IL1RAP: variants seen among roughly 807,000 people sequenced by gnomAD.
IL1RAP encodes the protein interleukin 1 receptor accessory protein.
A neutral mutation model predicts 60.7 loss-of-function variants in IL1RAP; 35 were observed. That is an observed-to-expected ratio of 0.58 (90% CI 0.44 to 0.76). The LOEUF is 0.76. IL1RAP is among the 30% of genes least tolerant of loss of function. The pLI is 0.00. For missense variants in IL1RAP, 572 were observed against 693.9 expected (o/e 0.82, Z 1.97); for synonymous variants, 268 against 250.9 (o/e 1.07, Z -0.64).
rs1426218668 is a variant in IL1RAP at position 190,573,036 on chromosome 3, T to C, written c.64+8683T>C. Among the ~76,000 whole-genome samples, 2 of 84,222 alleles carry C rather than the reference T, an allele frequency of 2.4e-5. 1 individual carries two copies. Among genetic ancestry groups the C allele is most frequent in the African/African-American group, 8.0e-5 (2 of 25,104 alleles). 55.3% of individuals were successfully genotyped at this position (84,222 alleles called of 152,430 possible). ...CCGCCACCACGCCCGGCTAATTTTT[T>C]GTATTTTTAGTAGAGACGGGGTTTC... is the stretch of plus-strand genomic sequence containing the variant. On this transcript the variant is annotated intron_variant, in intron 3 of 11. Coordinates refer to ENST00000447382, the MANE Select transcript of IL1RAP (RefSeq NM_002182.4).
chr3:190,642,697 T>C (rs190464932), intron 9 of IL1RAP, among the ~76,000 whole-genome samples: 179 of 152,300 alleles, frequency 1.2e-3, no homozygotes, highest in African/African-American at 4.1e-3. Context: ...CTAATCACTA[T>C]TTAAAATTAA....
intron 2 of IL1RAP, among the ~76,000 whole-genome samples, chr3:190,556,471 C>T (rs747268765): frequency 3.3e-5 from 5 of 152,020 alleles, no homozygotes; most frequent in Non-Finnish European, 7.4e-5. Context: ...ATCAGATAGT[C>T]AGCACAGGGA....
intron 3 of IL1RAP, among the ~76,000 whole-genome samples, chr3:190,603,023 A>G (rs932230963): frequency 1.3e-5 from 2 of 152,168 alleles, no homozygotes; most frequent in African/African-American, 4.8e-5. Context: ...AAAATTCTTT[A>G]AAAGAAGTTT....
downstream of IL1RAP, among the ~76,000 whole-genome samples, chr3:190,655,499 T>C (rs1011074408): frequency 6.6e-6 from 1 of 151,678 alleles, no homozygotes; most frequent in African/African-American, 2.4e-5. Flanking sequence ...TAAACAGAGC[T>C]GAAATGACTT....
intron 9 of IL1RAP, among the ~76,000 whole-genome samples, chr3:190,637,131 C>T (rs1733286936): frequency 6.6e-6 from 1 of 152,004 alleles, no homozygotes; most frequent in African/African-American, 2.4e-5. Context: ...TACAGTGTAC[C>T]AACATGTATT....
At chr3:190,634,728 T>G (rs1169421612) in intron 9 of IL1RAP, among the ~76,000 whole-genome samples, 12 of 148,076 alleles carry the variant, frequency 8.1e-5, no homozygotes, top group Admixed American at 2.0e-4. Flanking sequence ...TGTTGTTGTT[T>G]TTTTTGAGAA....
chr3:190,528,389 A>T (rs1053731769), intron 1 of IL1RAP, among the ~76,000 whole-genome samples: 1 of 152,236 alleles, frequency 6.6e-6, no homozygotes, highest in Admixed American at 6.5e-5. Context: ...CATAGCTTTG[A>T]ATGTGGACTA....
At chr3:190,655,676 C>T (rs1475712274), downstream of IL1RAP, among the ~76,000 whole-genome samples, 3 of 151,174 alleles carry the variant, frequency 2.0e-5, no homozygotes. Context: ...AGAGACTGAG[C>T]TCAACTACCA....
At chr3:190,572,057 G>A (rs1726974594) in intron 3 of IL1RAP, among the ~76,000 whole-genome samples, 1 of 151,848 alleles carries the variant, frequency 6.6e-6, no homozygotes, top group East Asian at 1.9e-4. Context: ...TTTTCAAGGG[G>A]GAGAAATCTT....
intron 1 of IL1RAP, among the ~76,000 whole-genome samples, chr3:190,539,853 T>C (rs1229102023): frequency 6.6e-6 from 1 of 152,062 alleles, no homozygotes; most frequent in African/African-American, 2.4e-5. Flanking sequence ...AGATCTTGAA[T>C]ATGTAATGCC....
At chr3:190,593,486 A>G (rs893062575) in intron 3 of IL1RAP, among the ~76,000 whole-genome samples, 1 of 152,222 alleles carries the variant, frequency 6.6e-6, no homozygotes, top group East Asian at 1.9e-4. Context: ...GCTAATAAAG[A>G]CATAACTGAG....
In IL1RAP at chr3:190,649,065, T is replaced by G. The variant is rs1302848886; in HGVS notation, c.*360T>G. On this transcript the variant is annotated 3_prime_UTR_variant, in exon 12 of 12. Coordinates refer to ENST00000447382, the MANE Select transcript of IL1RAP (RefSeq NM_002182.4). Reference sequence around the variant, plus strand: ...TTTCCTATGAATTTAAATATGCCTTTAAAATAAGTCACTGTTGACAGGGTC... The same window carrying G: ...TTTCCTATGAATTTAAATATGCCTTGAAAATAAGTCACTGTTGACAGGGTC... The G allele has an allele frequency of 1.0e-6, 1 of 997,798 alleles. No individual in the cohort carries two copies. Among genetic ancestry groups the G allele is most frequent in the Admixed American group, 5.8e-5 (1 of 17,322 alleles). 61.8% of individuals were successfully genotyped at this position (997,798 alleles called of 1,614,324 possible).
chr3:190,553,460 A>G (rs914886394), intron 1 of IL1RAP, among the ~76,000 whole-genome samples: 2 of 152,194 alleles, frequency 1.3e-5, no homozygotes, highest in African/African-American at 4.8e-5. Flanking sequence ...ATGCCTGGGA[A>G]GAACCTCTTA....
chr3:190,620,198 T>A, intron 5 of IL1RAP, 77 bp from the exon 6 acceptor site: 1 of 727,214 alleles, frequency 1.4e-6, no homozygotes, highest in Non-Finnish European at 2.2e-6. Flanking sequence ...CAAAATTAGA[T>A]GTGAGTGTGC....
At chr3:190,659,410 C>A (rs779360480) in exon 12 of IL1RAP, 3 of 152,110 alleles carry the variant, frequency 2.0e-5, no homozygotes, top group Non-Finnish European at 4.4e-5. Context: ...AGATAATAGA[C>A]TATACTTCTA....
At chr3:190,647,422 G>A (rs886731990) in intron 11 of IL1RAP, among the ~76,000 whole-genome samples, 3 of 152,202 alleles carry the variant, frequency 2.0e-5, no homozygotes, top group Non-Finnish European at 4.4e-5. Flanking sequence ...TGCAATCCTC[G>A]ATAAGCAACT....
chr3:190,649,173 G>A lies in IL1RAP; in HGVS notation c.*468G>A. The A allele has an allele frequency of 2.0e-6, 2 of 987,282 alleles. No homozygotes were observed. Among genetic ancestry groups the A allele is most frequent in the Non-Finnish European group, 2.4e-6 (2 of 831,342 alleles). 61.2% of individuals were successfully genotyped at this position (987,282 alleles called of 1,614,324 possible). A position where few individuals can be genotyped will look rare whatever the true frequency, so the allele number is the denominator to read the frequency against. On this transcript the variant is annotated 3_prime_UTR_variant, in exon 12 of 12. Coordinates refer to ENST00000447382, the MANE Select transcript of IL1RAP (RefSeq NM_002182.4). ...TAATCAAGGCCTACATTTTAGCTGAGGATAATGAACTTTTTTCCTCATTCG... is the reference window on the plus strand; with the variant it reads ...TAATCAAGGCCTACATTTTAGCTGAAGATAATGAACTTTTTTCCTCATTCG...
At chr3:190,630,460 A>G (rs1732690069) in intron 9 of IL1RAP, among the ~76,000 whole-genome samples, 1 of 152,200 alleles carries the variant, frequency 6.6e-6, no homozygotes, top group Non-Finnish European at 1.5e-5. Context: ...AGTGTGTAAT[A>G]TTTCTTCAAA....
Position 190,608,998 on chromosome 3 carries a change from C to T in IL1RAP, c.354C>T (p.Asn118=), listed in dbSNP as rs749314482. 2 of 1,610,204 alleles carry T rather than the reference C, an allele frequency of 1.2e-6. No individual in the cohort carries two copies. Among genetic ancestry groups the T allele is most frequent in the Non-Finnish European group, 1.7e-6 (2 of 1,178,198 alleles). Residue 118 remains asparagine, a synonymous_variant, in exon 5 of 12, where the codon AAC becomes AAT. Transcript: ENST00000447382. The part of the protein sequence containing the change: ...DTGNYTCMLR[N]TTYCSKVAFP... The stretch of plus-strand genomic sequence containing the variant: ...CATTGTATATTTCTTTTTTCAGGAA[C>T]ACTACATATTGCAGCAAAGTTGCAT...
Sources: allele counts gnomAD v4.1 joint callset (sites outside exome capture counted in the v4.1 genomes callset), GRCh38; gene constraint gnomAD v4.1.1; transcripts MANE v1.5; gene names NCBI Gene and HGNC (gene_info 2026-07-23, HGNC 2026-07-21).